Variants in WDPCP observed in about 807,000 individuals in gnomAD.
WDPCP encodes the protein WD repeat containing planar cell polarity effector.
A neutral mutation model predicts 93.1 loss-of-function variants in WDPCP; 71 were observed. The ratio of observed to expected loss-of-function variants is 0.76; its 90% CI spans 0.63 to 0.93. The LOEUF is 0.93. Ranked by LOEUF, WDPCP falls within the 40% of genes least tolerant of loss-of-function variation. WDPCP has a pLI of 0.00. For synonymous variants in WDPCP, 315 were observed against 315.0 expected (o/e 1.00, Z 0.00); for missense variants, 844 against 887.4 (o/e 0.95, Z 0.62).
At chr2:63,397,150 C>G (rs534217582) in intron 10 of WDPCP, among the ~76,000 whole-genome samples, 8 of 152,108 alleles carry the variant, frequency 5.3e-5, no homozygotes, top group African/African-American at 1.9e-4. Context: ...TAGAGAAGGT[C>G]TACATTAAAG....
chr2:63,179,113 A>G (rs1674037213), intron 14 of WDPCP, among the ~76,000 whole-genome samples: 2 of 151,350 alleles, frequency 1.3e-5, no homozygotes, highest in South Asian at 4.2e-4. Context: ...AGGCTGGAGA[A>G]TCGCTTGACC....
chr2:63,356,851 C>T (rs1690049516), intron 12 of WDPCP, among the ~76,000 whole-genome samples: 1 of 152,108 alleles, frequency 6.6e-6, no homozygotes, highest in Non-Finnish European at 1.5e-5. Context: ...AAGCTAGAGA[C>T]ATCATGTTAT....
chr2:63,336,750 T>G (rs1688394757), intron 12 of WDPCP, among the ~76,000 whole-genome samples: 1 of 152,006 alleles, frequency 6.6e-6, no homozygotes, highest in Admixed American at 6.6e-5. Flanking sequence ...AATATACATA[T>G]AAAGTTACCA....
chr2:63,514,280 C>G (rs1702419948), intron 1 of WDPCP, among the ~76,000 whole-genome samples: 1 of 151,998 alleles, frequency 6.6e-6, no homozygotes, highest in South Asian at 2.1e-4. Context: ...CACCTCCTAC[C>G]AAGTTCACTC....
At chr2:63,361,954 T>C (rs1690493087) in intron 12 of WDPCP, among the ~76,000 whole-genome samples, 1 of 152,136 alleles carries the variant, frequency 6.6e-6, no homozygotes, top group Non-Finnish European at 1.5e-5. Context: ...TGATATATCA[T>C]AGTTGCATCT....
chr2:63,486,048 A>G (rs1700556590), intron 4 of WDPCP, among the ~76,000 whole-genome samples: 1 of 151,742 alleles, frequency 6.6e-6, no homozygotes, highest in Non-Finnish European at 1.5e-5. Context: ...GCTATAATCC[A>G]AAAAAATTTT....
At chr2:63,500,052 T>C (rs373915213) in intron 1 of WDPCP, among the ~76,000 whole-genome samples, 3 of 152,350 alleles carry the variant, frequency 2.0e-5, no homozygotes, top group East Asian at 3.9e-4. Context: ...CTTGGCCACA[T>C]CAAGTTCCCA....
At position 63,372,523 on chromosome 2, in the gene WDPCP, G is replaced by A. The variant is rs189051741; in HGVS notation, c.1748+5863C>T. On this transcript the variant is annotated intron_variant, in intron 12 of 17. Transcript: ENST00000272321. Reference sequence around the variant, plus strand: ...TAGAATATGGTCAATTTATATAAATGTTTATTCATGGGAAAAAAGTATAGT... The same window carrying A: ...TAGAATATGGTCAATTTATATAAATATTTATTCATGGGAAAAAAGTATAGT... Among the ~76,000 whole-genome samples, 551 of 152,202 alleles carry A rather than the reference G, an allele frequency of 3.6e-3. 3 individuals are homozygous for A. Among genetic ancestry groups the A allele is most frequent in the Non-Finnish European group, 6.1e-3 (417 of 68,004 alleles).
At chr2:63,693,543 T>G (rs1668920077) in intron 2 of WDPCP, among the ~76,000 whole-genome samples, 1 of 151,424 alleles carries the variant, frequency 6.6e-6, no homozygotes, top group Admixed American at 6.6e-5. Context: ...TGGGGAGGAT[T>G]TGAGGGGACA....
intron 3 of WDPCP, among the ~76,000 whole-genome samples, chr2:63,603,479 CA>C (rs1443988277): frequency 3.3e-5 from 5 of 152,062 alleles, no homozygotes; most frequent in Non-Finnish European, 7.4e-5. Context: ...ACAATGTCAC[CA>C]AAACAGATCA....
At chr2:63,641,035 T>C (rs1007117448) in intron 3 of WDPCP, among the ~76,000 whole-genome samples, 1 of 152,202 alleles carries the variant, frequency 6.6e-6, no homozygotes, top group Non-Finnish European at 1.5e-5. Context: ...GTTGATTTGA[T>C]TTTTAGATCC....
At chr2:63,574,753 G>A (rs990546463) in intron 1 of WDPCP, among the ~76,000 whole-genome samples, 1 of 152,138 alleles carries the variant, frequency 6.6e-6, no homozygotes, top group African/African-American at 2.4e-5. Flanking sequence ...TTGTCCATTT[G>A]TCTGTCATTG....
At position 63,494,132 on chromosome 2, in the gene WDPCP, G is replaced by A. The variant is rs139539331; in HGVS notation, c.76-1192C>T. Among the ~76,000 whole-genome samples the A allele has an allele frequency of 2.1e-4, 32 of 152,140 alleles. 1 individual carries two copies. The East Asian group carries it at 5.6e-3, about 27-fold the overall frequency. On this transcript the variant is annotated intron_variant, in intron 1 of 17. Transcript: ENST00000272321. Reference sequence around the variant, plus strand: ...GAACTAATGAGATATAGTATGCTACGGACTGAAATGGCAGAGTGAAAAATG... The same window carrying A: ...GAACTAATGAGATATAGTATGCTACAGACTGAAATGGCAGAGTGAAAAATG...
intron 2 of WDPCP, among the ~76,000 whole-genome samples, chr2:63,674,326 A>G (rs925502154): frequency 6.6e-6 from 1 of 152,196 alleles, no homozygotes; most frequent in Non-Finnish European, 1.5e-5. Context: ...AAATTTAACA[A>G]ACTGGTTCAA....
At chr2:63,211,480 C>A (rs998896910) in intron 14 of WDPCP, among the ~76,000 whole-genome samples, 1 of 152,122 alleles carries the variant, frequency 6.6e-6, no homozygotes, top group African/African-American at 2.4e-5. Context: ...CATCAAATAC[C>A]AAAGGTAGAT....
At chr2:63,525,828 T>C (rs902230722) in intron 1 of WDPCP, among the ~76,000 whole-genome samples, 17 of 152,208 alleles carry the variant, frequency 1.1e-4, no homozygotes, top group African/African-American at 4.1e-4. Context: ...TAAAGTACAC[T>C]GGAGTACTTT....
At chr2:63,542,030 A>G (rs1704780843) in intron 1 of WDPCP, among the ~76,000 whole-genome samples, 1 of 152,212 alleles carries the variant, frequency 6.6e-6, no homozygotes, top group African/African-American at 2.4e-5. Context: ...TCAGTTCTCT[A>G]TATAGCTAAG....
chr2:63,589,316 C>G (rs945675870), upstream of WDPCP: 1 of 1,550,642 alleles, frequency 6.4e-7, no homozygotes, highest in African/African-American at 1.4e-5. Flanking sequence ...TGCTGCATGA[C>G]GGGAGGACAA....
At chr2:63,136,694 C>T (rs746644707) in intron 17 of WDPCP, among the ~76,000 whole-genome samples, 5 of 152,060 alleles carry the variant, frequency 3.3e-5, no homozygotes, top group Non-Finnish European at 7.4e-5. Flanking sequence ...GATCCTCTCC[C>T]TTCTCCCACC....
Sources: allele counts gnomAD v4.1 joint callset (sites outside exome capture counted in the v4.1 genomes callset), GRCh38; gene constraint gnomAD v4.1.1; transcripts MANE v1.5; gene names NCBI Gene and HGNC (gene_info 2026-07-23, HGNC 2026-07-21).